The following CP variants were observed in gnomAD, a reference collection of about 807,000 sequenced individuals.
CP encodes the protein caeruloplasmin.
A neutral mutation model predicts 122.4 loss-of-function variants in CP; 64 were observed. The observed-to-expected ratio is 0.52, with a 90% confidence interval of 0.43 to 0.64. CP has a LOEUF of 0.64. Ranked by LOEUF, CP falls within the 30% of genes least tolerant of loss-of-function variation. CP has a pLI of 0.00. For synonymous variants in CP, 440 were observed against 436.4 expected (o/e 1.01, Z -0.10); for missense variants, 1,167 against 1,284.4 (o/e 0.91, Z 1.40).
chr3:149,198,284 T>C, intron 9 of CP, 83 bp downstream of exon 9: 1 of 1,091,650 alleles, frequency 9.2e-7, no homozygotes, highest in Non-Finnish European at 1.4e-6. Context: ...TTGGAGATAA[T>C]GATGAGGTTA....
At chr3:149,188,833 G>T (rs2108246433) in intron 9 of CP, among the ~76,000 whole-genome samples, 1 of 152,222 alleles carries the variant, frequency 6.6e-6, no homozygotes, top group South Asian at 2.1e-4. Flanking sequence ...AAGCAAATGA[G>T]CCCCTGAGAA....
intron 7 of CP, among the ~76,000 whole-genome samples, chr3:149,201,107 G>GGATT (rs10631065): frequency 0.063 from 9,505 of 151,574 alleles, 292 homozygotes; most frequent in Middle Eastern, 0.076. Context: ...TAGTAGCCTG[G>GGATT]GATTGATTGA....
chr3:149,181,863 A>C (rs1464820571), intron 14 of CP, 142 bp downstream of exon 14: 8 of 937,184 alleles, frequency 8.5e-6, no homozygotes, highest in Non-Finnish European at 1.7e-6. Flanking sequence ...TTGCATACAC[A>C]CAGACACCTC....
chr3:149,196,021 A>G (rs1371501334), intron 9 of CP, among the ~76,000 whole-genome samples: 2 of 152,334 alleles, frequency 1.3e-5, no homozygotes, highest in African/African-American at 4.8e-5. Flanking sequence ...TGGCAAAACT[A>G]TGTGGAGAAG....
intron 9 of CP, 94 bp from the exon 10 acceptor site, chr3:149,188,296 GA>G: frequency 9.6e-7 from 1 of 1,046,878 alleles, no homozygotes; most frequent in South Asian, 1.4e-5. Flanking sequence ...ACACCTAAAG[GA>G]AAGAATGAGA....
At chr3:149,201,270 GCCACCAC>G (rs1727292687) in intron 7 of CP, among the ~76,000 whole-genome samples, 1 of 151,908 alleles carries the variant, frequency 6.6e-6, no homozygotes, top group African/African-American at 2.4e-5. Flanking sequence ...ACAGGCACCC[GCCACCAC>G]GCCCGGCTAA....
At chr3:149,197,314 A>G (rs1275529206) in intron 9 of CP, among the ~76,000 whole-genome samples, 1 of 152,230 alleles carries the variant, frequency 6.6e-6, no homozygotes, top group African/African-American at 2.4e-5. Context: ...TAATTCATTA[A>G]GAAGTTCCTG....
chr3:149,198,507 C>T lies in CP; in HGVS notation c.1573G>A (p.Val525Ile), dbSNP rs764722412. 1 of 1,614,156 alleles carries T rather than the reference C, an allele frequency of 6.2e-7. No individual in the cohort carries two copies. The highest frequency in any genetic ancestry group is 2.2e-5 in the East Asian group (1 of 44,880). ...FTYEWTVPKE[V>I]GPTNADPVCL... Reference sequence around the variant, plus strand: ...ACAGGATCTGCATTAGTGGGTCCTACTTCTTTGGGGACAGTCCATTCATAG... The same window carrying T: ...ACAGGATCTGCATTAGTGGGTCCTATTTCTTTGGGGACAGTCCATTCATAG... The change falls in exon 9 of 19, where the codon GTA (valine) becomes ATA (isoleucine). Residue 525 changes from valine (V) to isoleucine (I), a missense_variant. Val to Ile is a conservative substitution (Grantham distance 29). Around this residue, in one of 2 missense-constraint regions of CP, gnomAD observed 525 missense variants for 657.2 expected, o/e 0.80. Transcript: ENST00000264613.
At chr3:149,192,983 C>CAT (rs139209645) in intron 9 of CP, among the ~76,000 whole-genome samples, 9 of 119,286 alleles carry the variant, frequency 7.5e-5, no homozygotes, top group Non-Finnish European at 1.5e-4. Context: ...ATCCTGTATA[C>CAT]ACACACACAC....
At chr3:149,183,372 C>G in intron 13 of CP, 94 bp downstream of exon 13, 1 of 1,343,342 alleles carries the variant, frequency 7.4e-7, no homozygotes, top group Non-Finnish European at 1.0e-6. Context: ...ATATATGAAC[C>G]AAGAAAATGA....
chr3:149,199,031 T>C (rs1042854299), intron 8 of CP, among the ~76,000 whole-genome samples: 31 of 152,220 alleles, frequency 2.0e-4, no homozygotes, highest in African/African-American at 6.8e-4. Context: ...GGTGATCCTA[T>C]TTAAATCTTT....
In CP at chr3:149,212,164, T is replaced by A. The variant is rs34004251; in HGVS notation, c.394+287A>T. On this transcript the variant is annotated intron_variant, in intron 2 of 18. Transcript: ENST00000264613. ...AAAAAAAAATAAAAATAAAAAAGTT[T>A]GCCAGGCATGGTAGTGGGCGCCTGT... 0.19 allele frequency among the ~76,000 whole-genome samples: 29,090 copies of A among 151,318 alleles called. 2,993 individuals are homozygous for A. Among genetic ancestry groups the A allele is most frequent in the East Asian group, 0.42 (2,156 of 5,146 alleles).
At chr3:149,181,980 C>CAACCA in intron 14 of CP, 25 bp downstream of exon 14, 1 of 515,890 alleles carries the variant, frequency 1.9e-6, no homozygotes, top group Admixed American at 2.2e-5. Flanking sequence ...AAATGCACCA[C>CAACCA]CCCCACCCCC....
In CP at chr3:149,212,475, T is replaced by A. The variant is rs1559960107; in HGVS notation, c.370A>T (p.Ile124Leu). 1 of 1,614,042 alleles carries A rather than the reference T, an allele frequency of 6.2e-7. No individual in the cohort carries two copies. The highest frequency in any genetic ancestry group is 8.5e-7 in the Non-Finnish European group (1 of 1,179,958). The change falls in exon 2 of 19, where the codon ATA becomes TTA. Residue 124 changes from isoleucine to leucine, a missense_variant. Ile to Leu is a conservative substitution (Grantham distance 5, BLOSUM62 2). Transcript: ENST00000264613. The part of the protein sequence containing the change: ...SRPYTFHSHG[I>L]TYYKEHEGAI... ...CCCTCATGTTCCTTATAGTAAGTTATTCCATGTGAATGAAAGGTGTAGGGC... is the reference window on the plus strand; with the variant it reads ...CCCTCATGTTCCTTATAGTAAGTTAATCCATGTGAATGAAAGGTGTAGGGC...
intron 14 of CP, 41 bp from the exon 15 acceptor site, chr3:149,179,703 T>G: frequency 8.4e-7 from 1 of 1,187,298 alleles, no homozygotes; most frequent in Non-Finnish European, 1.2e-6. Context: ...TGTATTTGGT[T>G]TATATTGTAC....
chr3:149,185,490 C>CCCAGAGGG, intron 11 of CP, 44 bp from the exon 12 acceptor site: 1 of 1,579,158 alleles, frequency 6.3e-7, no homozygotes, highest in Non-Finnish European at 8.7e-7. Context: ...TTGCTAGTGC[C>CCCAGAGGG]CTCTGGGGCT....
rs576299370 is a variant in CP at position 149,219,145 on chromosome 3, GA to G, written c.146+2501del. 3.5e-4 allele frequency among the ~76,000 whole-genome samples: 53 copies of G among 152,182 alleles called. 1 individual carries two copies. The South Asian group carries it at 9.5e-3, about 27-fold the overall frequency. ...AAATTCACTGGTAAGATATATGGGG[GA>G]AAAAAATCACAGAGAAAGCAGTCCC... is the stretch of plus-strand genomic sequence containing the variant. On this transcript the variant is annotated intron_variant, in intron 1 of 18. Transcript: ENST00000264613.
At chr3:149,190,710 ACTC>A (rs1172081177) in intron 9 of CP, among the ~76,000 whole-genome samples, 4 of 151,034 alleles carry the variant, frequency 2.6e-5, no homozygotes, top group Admixed American at 6.6e-5. Context: ...CAACAAAACT[ACTC>A]CTTTTTAAAA....
chr3:149,181,983 C>G (rs761713425), intron 14 of CP, 22 bp downstream of exon 14: 5 of 547,180 alleles, frequency 9.1e-6, no homozygotes, highest in South Asian at 1.4e-5. Context: ...TGCACCACCC[C>G]CACCCCCGCC....
Sources: allele counts gnomAD v4.1 joint callset (sites outside exome capture counted in the v4.1 genomes callset), GRCh38; gene constraint gnomAD v4.1.1; regional missense constraint gnomAD v4.1.1; transcripts MANE v1.5; gene names NCBI Gene and HGNC (gene_info 2026-07-23, HGNC 2026-07-21).